The following FRMPD4 variants were observed in gnomAD, a reference collection of about 807,000 sequenced individuals.
The protein encoded by FRMPD4 is FERM and PDZ domain-containing protein 4.
FRMPD4 carries 22 observed loss-of-function variants against 94.1 expected under a neutral mutation model. That is an observed-to-expected ratio of 0.23 (90% CI 0.17 to 0.33). The LOEUF is 0.33. Ranked by LOEUF, FRMPD4 falls within the 10% of genes least tolerant of loss-of-function variation. The probability of loss-of-function intolerance (pLI) is 1.00; values close to 1 mark genes in which losing one functional copy is unlikely to be tolerated. For missense variants in FRMPD4, 1,111 were observed against 1,339.9 expected (o/e 0.83, Z 2.67); for synonymous variants, 631 against 548.6 (o/e 1.15, Z -2.10).
At chrX:12,429,741 T>G (rs935831439) in intron 1 of FRMPD4, among the ~76,000 whole-genome samples, 4 of 112,419 alleles carry the variant, frequency 3.6e-5, no homozygotes, top group African/African-American at 9.7e-5. Context: ...GGTTTGAATA[T>G]GTCCCTTCCA....
At chrX:12,615,761 C>T (rs1394105675) in intron 4 of FRMPD4, among the ~76,000 whole-genome samples, 3 of 111,076 alleles carry the variant, frequency 2.7e-5, no homozygotes, top group South Asian at 4.0e-4. Context: ...TCACTCATTA[C>T]GGAAAGTGTT....
chrX:12,634,683 C>T (rs905891902), intron 4 of FRMPD4, among the ~76,000 whole-genome samples: 4 of 110,882 alleles, frequency 3.6e-5, no homozygotes, highest in African/African-American at 1.3e-4. Context: ...CATTTCTTGC[C>T]CCTTGAACGC....
chrX:12,382,731 C>T (rs887930342), intron 1 of FRMPD4, among the ~76,000 whole-genome samples: 4 of 111,666 alleles, frequency 3.6e-5, no homozygotes, highest in African/African-American at 9.8e-5. Flanking sequence ...ATTGTGCCCA[C>T]TGCCCAGCCC....
rs753401815 is a variant in FRMPD4 at position 12,676,807 on chromosome X, T to C, written c.468+1899T>C. Among the ~76,000 whole-genome samples the C allele has an allele frequency of 3.6e-5, 4 of 112,061 alleles. No individual in the cohort carries two copies. The East Asian group carries it at 1.1e-3, about 31-fold the overall frequency. On this transcript the variant is annotated intron_variant, in intron 5 of 16. Coordinates refer to ENST00000675598, the MANE Select transcript of FRMPD4 (RefSeq NM_001368397.1). ...GTTCCGATGGCTCTTGCCGTTGTGC[T>C]ACATTGAAAGGCAACACTTAGCCAC...
intron 1 of FRMPD4, among the ~76,000 whole-genome samples, chrX:12,351,678 G>A (rs1321734145): frequency 8.9e-6 from 1 of 112,176 alleles, no homozygotes; most frequent in Non-Finnish European, 1.9e-5. Flanking sequence ...ATCCAGCCAG[G>A]GCTGATGTCT....
intron 2 of FRMPD4, among the ~76,000 whole-genome samples, chrX:12,511,852 A>G (rs916986607): frequency 1.8e-5 from 2 of 112,821 alleles, no homozygotes. Flanking sequence ...TTGTAATCAA[A>G]TTGTCAAAAG....
At chrX:12,298,064 C>A (rs2054800873) in intron 1 of FRMPD4, among the ~76,000 whole-genome samples, 1 of 111,952 alleles carries the variant, frequency 8.9e-6, no homozygotes, top group South Asian at 3.8e-4. Context: ...GAGGAAAGTG[C>A]CTCTGTTAAA....
chrX:12,649,775 A>T (rs1263892107), intron 4 of FRMPD4, among the ~76,000 whole-genome samples: 5 of 112,696 alleles, frequency 4.4e-5, no homozygotes, highest in African/African-American at 1.6e-4. Flanking sequence ...GATTCTTCTG[A>T]CAATGTCCTG....
intron 3 of FRMPD4, among the ~76,000 whole-genome samples, chrX:11,996,905 G>A (rs2054499210): frequency 9.0e-6 from 1 of 111,666 alleles, no homozygotes; most frequent in Non-Finnish European, 1.9e-5. Context: ...GATATAGATT[G>A]AAAATGCCGT....
intron 2 of FRMPD4, among the ~76,000 whole-genome samples, chrX:12,531,124 C>T (rs2058281755): frequency 8.9e-6 from 1 of 112,074 alleles, no homozygotes; most frequent in Non-Finnish European, 1.9e-5. Context: ...TTCTCAATGG[C>T]AATTTATTGT....
intron 1 of FRMPD4, among the ~76,000 whole-genome samples, chrX:12,354,946 G>T (rs2055872208): frequency 8.9e-6 from 1 of 112,080 alleles, no homozygotes; most frequent in African/African-American, 3.2e-5. Flanking sequence ...TCACTTTACT[G>T]TGTGAATTTC....
chrX:12,412,066 C>T (rs1292635180), intron 1 of FRMPD4, among the ~76,000 whole-genome samples: 1 of 112,262 alleles, frequency 8.9e-6, no homozygotes, highest in East Asian at 2.8e-4. Context: ...CAGGCCACTT[C>T]AGCCTAATCA....
intron 1 of FRMPD4, among the ~76,000 whole-genome samples, chrX:12,307,858 G>A (rs142883215): frequency 1.4e-3 from 158 of 111,738 alleles, no homozygotes; most frequent in African/African-American, 4.8e-3. Flanking sequence ...CGAGGGTTAT[G>A]AGGACTTGGC....
intron 3 of FRMPD4, among the ~76,000 whole-genome samples, chrX:12,106,917 G>A (rs1338036993): frequency 8.9e-6 from 1 of 111,993 alleles, no homozygotes; most frequent in Non-Finnish European, 1.9e-5. Context: ...CGAAGTGGGT[G>A]GACCCCACCG....
intron 2 of FRMPD4, among the ~76,000 whole-genome samples, chrX:12,543,482 T>C (rs1359712987): frequency 1.8e-5 from 2 of 111,910 alleles, no homozygotes; most frequent in East Asian, 2.8e-4. Flanking sequence ...AAAAGACACA[T>C]GAAAAAATGC....
Position 11,883,819 on chromosome X carries a change from G to A in FRMPD4, c.95+5801G>A, listed in dbSNP as rs139026556. ...ATCCACACTGGGTTGGAATGACATA[G>A]GCCAAGTTATTGGGTCTGACTTGAG... On this transcript the variant is annotated intron_variant, in intron 3 of 18. Coordinates refer to the FRMPD4 transcript ENST00000640291. Among the ~76,000 whole-genome samples the A allele has an allele frequency of 8.9e-5, 10 of 112,160 alleles. No individual in the cohort carries two copies. The East Asian group carries it at 2.8e-3, about 31-fold the overall frequency.
intron 3 of FRMPD4, among the ~76,000 whole-genome samples, chrX:11,981,922 C>A (rs777122110): frequency 2.7e-3 from 296 of 111,581 alleles, no homozygotes; most frequent in African/African-American, 9.3e-3. Context: ...TCCACTCATC[C>A]CTTTCAGCTT....
chrX:12,372,249 G>A (rs1031583751), intron 1 of FRMPD4, among the ~76,000 whole-genome samples: 6 of 112,675 alleles, frequency 5.3e-5, no homozygotes, highest in Admixed American at 2.8e-4. Flanking sequence ...TTTGACATTC[G>A]CTAACTTTCA....
chrX:12,437,495 T>A (rs372438086), intron 1 of FRMPD4, among the ~76,000 whole-genome samples: 2 of 110,887 alleles, frequency 1.8e-5, no homozygotes, highest in South Asian at 3.9e-4. Flanking sequence ...TCCTAACTCC[T>A]GCTGTGCCCA....
Sources: allele counts gnomAD v4.1 joint callset (sites outside exome capture counted in the v4.1 genomes callset), GRCh38; gene constraint gnomAD v4.1.1; transcripts MANE v1.5; gene names NCBI Gene and HGNC (gene_info 2026-07-23, HGNC 2026-07-21).